OPRM1: variants seen among roughly 807,000 people sequenced by gnomAD.
OPRM1 encodes opioid receptor mu 1, also known as mu-type opioid receptor.
In OPRM1, 27 loss-of-function variants were observed where a neutral mutation model predicts 31.8. The ratio of observed to expected loss-of-function variants is 0.85; its 90% confidence interval spans 0.63 to 1.17. OPRM1 has a LOEUF of 1.17. OPRM1 is among the 50% of genes most tolerant of loss of function. The probability of loss-of-function intolerance (pLI) is 0.00; values close to 1 mark genes in which losing one functional copy is unlikely to be tolerated. For missense variants in OPRM1, 536 were observed against 511.1 expected (o/e 1.05, Z -0.47); for synonymous variants, 196 against 189.9 (o/e 1.03, Z -0.26).
downstream of OPRM1, among the ~76,000 whole-genome samples, chr6:154,132,391 T>G (rs1797944988): frequency 6.6e-6 from 1 of 152,210 alleles, no homozygotes; most frequent in Non-Finnish European, 1.5e-5. Flanking sequence ...ATTCTGACAT[T>G]ACTGACCTGT....
At chr6:154,221,887 A>G (rs183950663) in intron 3 of OPRM1, among the ~76,000 whole-genome samples, 76 of 152,284 alleles carry the variant, frequency 5.0e-4, no homozygotes, top group Admixed American at 9.8e-4. Context: ...AAACAAATAA[A>G]TAAATAAAAA....
intron 3 of OPRM1, among the ~76,000 whole-genome samples, chr6:154,216,526 T>C (rs1778407708): frequency 6.6e-6 from 1 of 152,192 alleles, no homozygotes; most frequent in Admixed American, 6.5e-5. Context: ...TTTTTGTATG[T>C]GCATGAATTG....
chr6:154,211,934 A>T (rs1777994710), intron 3 of OPRM1, among the ~76,000 whole-genome samples: 1 of 152,226 alleles, frequency 6.6e-6, no homozygotes, highest in Admixed American at 6.5e-5. Flanking sequence ...TAGACACTTC[A>T]CAAAAGAGAA....
At chr6:154,060,278 A>C (rs1784127573) in intron 1 of OPRM1, among the ~76,000 whole-genome samples, 2 of 152,218 alleles carry the variant, frequency 1.3e-5, no homozygotes, top group Non-Finnish European at 2.9e-5. Flanking sequence ...ATTAGCTGGA[A>C]TTACTGCCAA....
upstream of OPRM1, among the ~76,000 whole-genome samples, chr6:154,035,307 C>A (rs531190677): frequency 6.6e-6 from 1 of 151,986 alleles, no homozygotes; most frequent in South Asian, 2.1e-4. Flanking sequence ...TTTTTGCTTT[C>A]ATTTACTTAT....
chr6:154,214,179 A>G, intron 3 of OPRM1: 6 of 1,316,398 alleles, frequency 4.6e-6, no homozygotes, highest in Non-Finnish European at 4.4e-6. Flanking sequence ...CTGTTCTAAT[A>G]TTCTTGCTAA....
intron 3 of OPRM1, among the ~76,000 whole-genome samples, chr6:154,112,386 T>G (rs1483336171): frequency 6.6e-6 from 1 of 152,246 alleles, no homozygotes; most frequent in Non-Finnish European, 1.5e-5. Context: ...AGTATCAGCA[T>G]GCTAATGCCA....
At chr6:154,197,671 T>A (rs1265991206) in intron 3 of OPRM1, among the ~76,000 whole-genome samples, 1 of 152,206 alleles carries the variant, frequency 6.6e-6, no homozygotes, top group Non-Finnish European at 1.5e-5. Flanking sequence ...AATCCTGGAA[T>A]GGCATTTAGC....
rs1583454933 is a variant in OPRM1, at chr6:154,086,589, C to T, written c.291-3237C>T. 16 of 984,682 alleles carry T rather than the reference C, an allele frequency of 1.6e-5. 1 individual carries two copies. In the South Asian group the frequency reaches 7.5e-4, roughly 46 times the overall value. The allele number at this position is 984,682 out of a possible 1,614,324, so 61.0% of individuals were successfully genotyped here. A position where few individuals can be genotyped will look rare whatever the true frequency, so the allele number is the denominator to read the frequency against. On this transcript the variant is annotated intron_variant, in intron 1 of 3. Coordinates refer to ENST00000330432, the MANE Select transcript of OPRM1 (RefSeq NM_000914.5). The stretch of plus-strand genomic sequence containing the variant: ...GACATAATTTTTTTTTCCACAAACA[C>T]CTCACTCTGGAGAAGGAAATGATTT...
chr6:154,051,284 A>T (rs1204959569), intron 1 of OPRM1, among the ~76,000 whole-genome samples: 1 of 152,250 alleles, frequency 6.6e-6, no homozygotes, highest in Non-Finnish European at 1.5e-5. Context: ...TCTGCCTAAA[A>T]TTGAATGGCT....
intron 1 of OPRM1, among the ~76,000 whole-genome samples, chr6:154,065,986 G>A (rs1362273420): frequency 6.6e-6 from 1 of 152,042 alleles, no homozygotes; most frequent in African/African-American, 2.4e-5. Flanking sequence ...AAAGTGTGTT[G>A]AGTTTTAACA....
intron 3 of OPRM1, among the ~76,000 whole-genome samples, chr6:154,209,132 T>C (rs1777749671): frequency 6.6e-6 from 1 of 152,212 alleles, no homozygotes; most frequent in African/African-American, 2.4e-5. Flanking sequence ...TTAGAATGAT[T>C]AGACTGAATT....
At chr6:154,101,687 GA>G (rs1411781395) in intron 3 of OPRM1, among the ~76,000 whole-genome samples, 26 of 152,228 alleles carry the variant, frequency 1.7e-4, no homozygotes, top group Admixed American at 2.0e-4. Context: ...CCTATAAATG[GA>G]GAAATTGAAG....
chr6:154,191,543 G>A (rs923655726), intron 3 of OPRM1, among the ~76,000 whole-genome samples: 6 of 152,000 alleles, frequency 3.9e-5, no homozygotes, highest in East Asian at 1.9e-4. Flanking sequence ...GCATGGTGGC[G>A]AGCGCCTATA....
intron 3 of OPRM1, among the ~76,000 whole-genome samples, chr6:154,206,177 T>C (rs927521049): frequency 2.0e-5 from 3 of 152,196 alleles, no homozygotes; most frequent in African/African-American, 7.2e-5. Context: ...CCATAAAGAA[T>C]ATTCTTCATG....
chr6:154,028,938 C>T (rs1000078855), intron 1 of OPRM1, among the ~76,000 whole-genome samples: 1 of 152,136 alleles, frequency 6.6e-6, no homozygotes, highest in Non-Finnish European at 1.5e-5. Flanking sequence ...TGAGTGCTTA[C>T]CTGATTTTTG....
At chr6:154,209,610 C>T (rs1271792046) in intron 3 of OPRM1, among the ~76,000 whole-genome samples, 2 of 148,632 alleles carry the variant, frequency 1.3e-5, no homozygotes, top group African/African-American at 2.5e-5. Flanking sequence ...CGCCACTGCA[C>T]TCCAGCCTGT....
chr6:154,199,604 T>C (rs1031655509), intron 3 of OPRM1: 1 of 1,444,698 alleles, frequency 6.9e-7, no homozygotes. Flanking sequence ...CAAATTAATA[T>C]TACAGTTCCA....
chr6:154,026,306 A>G lies in OPRM1; in HGVS notation c.1-12855A>G, dbSNP rs1215240403. Among the ~76,000 whole-genome samples, 8 of 152,182 alleles carry G rather than the reference A, an allele frequency of 5.3e-5. No homozygotes were observed. In the East Asian group the frequency reaches 1.5e-3, roughly 29 times the overall value. ...CCACTGAAAAGGCTGCCTACCAGAC[A>G]TATTAGAGCTAAATTGTATGTTGTT... On this transcript the variant is annotated intron_variant, in intron 1 of 5. Coordinates refer to the OPRM1 transcript ENST00000434900.
Sources: gnomAD v4.1 joint callset for allele counts (sites outside exome capture counted in the v4.1 genomes callset) on GRCh38, gnomAD v4.1.1 for gene constraint, MANE v1.5 for transcripts, NCBI Gene and HGNC (gene_info 2026-07-23, HGNC 2026-07-21) for gene names.